IQCM: variants seen among roughly 807,000 people sequenced by gnomAD.
IQCM encodes the protein IQ domain-containing protein M.
IQCM carries 45 observed loss-of-function variants against 57.6 expected under a neutral mutation model. The observed-to-expected ratio is 0.78, with a 90% CI of 0.62 to 1.00. The LOEUF (loss-of-function observed/expected upper bound fraction) is 1.00. IQCM is among the 50% of genes least tolerant of loss of function. The pLI, the probability that IQCM is intolerant of heterozygous loss-of-function variation, is 0.00. For synonymous variants in IQCM, 148 were observed against 158.9 expected, an observed-to-expected ratio of 0.93 and a Z score of 0.51; for missense variants, 468 against 511.6, an observed-to-expected ratio of 0.91 and a Z score of 0.82.
At chr4:149,709,924 T>G (rs188927575) in intron 5 of IQCM, among the ~76,000 whole-genome samples, 1 of 152,244 alleles carries the variant, frequency 6.6e-6, no homozygotes, top group East Asian at 1.9e-4. Flanking sequence ...TAAAATTCAC[T>G]ACAGTTTCAA....
At chr4:149,488,231 A>G (rs959366844) in intron 12 of IQCM, among the ~76,000 whole-genome samples, 23 of 152,164 alleles carry the variant, frequency 1.5e-4, no homozygotes, top group Non-Finnish European at 1.6e-4. Flanking sequence ...TTTATCTATT[A>G]CAAACAAAAA....
At chr4:149,725,781 T>C (rs1019372558) in intron 5 of IQCM, among the ~76,000 whole-genome samples, 2 of 152,112 alleles carry the variant, frequency 1.3e-5, no homozygotes, top group African/African-American at 4.8e-5. Context: ...TCAATCTCCA[T>C]AGACCTGCCA....
At chr4:149,551,209 A>C (rs947584455) in intron 11 of IQCM, among the ~76,000 whole-genome samples, 3 of 152,020 alleles carry the variant, frequency 2.0e-5, no homozygotes, top group African/African-American at 4.8e-5. Flanking sequence ...GCCGCCTCCA[A>C]ATTAAGGCCT....
chr4:149,790,393 C>CT, intron 2 of IQCM: 2 of 177,638 alleles, frequency 1.1e-5, no homozygotes, highest in Non-Finnish European at 2.7e-5. Context: ...GCCAATACCC[C>CT]TTCTGTGAAT....
chr4:149,482,706 A>G (rs1741040396), intron 12 of IQCM, among the ~76,000 whole-genome samples: 1 of 151,608 alleles, frequency 6.6e-6, no homozygotes, highest in Non-Finnish European at 1.5e-5. Flanking sequence ...TTTTTGCATC[A>G]ATATTCATCA....
chr4:149,651,902 G>A (rs180789701), intron 7 of IQCM, among the ~76,000 whole-genome samples: 99 of 152,160 alleles, frequency 6.5e-4, no homozygotes, highest in Non-Finnish European at 9.9e-4. Flanking sequence ...GCGATTTCTC[G>A]AGGATTTAGA....
At chr4:149,806,163 A>T (rs1774061165) in intron 2 of IQCM, among the ~76,000 whole-genome samples, 1 of 151,702 alleles carries the variant, frequency 6.6e-6, no homozygotes, top group Non-Finnish European at 1.5e-5. Context: ...TTTTGTAAAA[A>T]GCTGTTAATT....
chr4:149,664,146 C>A (rs553935162), intron 7 of IQCM, among the ~76,000 whole-genome samples: 3 of 151,994 alleles, frequency 2.0e-5, no homozygotes, highest in East Asian at 1.9e-4. Context: ...CTGTGTGGTT[C>A]TTTTCCATAA....
intron 12 of IQCM, among the ~76,000 whole-genome samples, chr4:149,465,751 T>C (rs189815533): frequency 6.6e-6 from 1 of 152,088 alleles, no homozygotes; most frequent in Non-Finnish European, 1.5e-5. Flanking sequence ...GTTTTTTTTT[T>C]GTTTCTAGTT....
At chr4:149,653,571 C>G (rs1759383283) in intron 7 of IQCM, among the ~76,000 whole-genome samples, 1 of 151,966 alleles carries the variant, frequency 6.6e-6, no homozygotes, top group Non-Finnish European at 1.5e-5. Context: ...AAGAACAGAT[C>G]ATGCCCCTAT....
At chr4:149,536,594 T>C (rs1747319085) in intron 12 of IQCM, among the ~76,000 whole-genome samples, 2 of 152,058 alleles carry the variant, frequency 1.3e-5, no homozygotes, top group South Asian at 2.1e-4. Context: ...TTTGTAACAT[T>C]GTATGCATGT....
At chr4:149,440,072 T>A (rs1441866274) in intron 12 of IQCM, among the ~76,000 whole-genome samples, 3 of 147,574 alleles carry the variant, frequency 2.0e-5, no homozygotes, top group Non-Finnish European at 4.5e-5. Context: ...TTCTCCTGCA[T>A]CAGCCTCCCG....
At chr4:149,689,006 A>G (rs993978195) in intron 5 of IQCM, among the ~76,000 whole-genome samples, 3 of 152,128 alleles carry the variant, frequency 2.0e-5, no homozygotes, top group African/African-American at 7.2e-5. Flanking sequence ...ATTCTAGAAG[A>G]TAACAGTGGA....
At chr4:149,718,357 T>G (rs1236509031) in intron 5 of IQCM, among the ~76,000 whole-genome samples, 2 of 152,150 alleles carry the variant, frequency 1.3e-5, no homozygotes, top group Admixed American at 1.3e-4. Flanking sequence ...AAGTAATGTC[T>G]GCTAAACTGA....
At chr4:149,483,754 A>T (rs1741163133) in intron 12 of IQCM, among the ~76,000 whole-genome samples, 1 of 151,934 alleles carries the variant, frequency 6.6e-6, no homozygotes, top group African/African-American at 2.4e-5. Flanking sequence ...TAGCCATTGG[A>T]TGAAATGTTC....
intron 8 of IQCM, among the ~76,000 whole-genome samples, chr4:149,604,306 T>C (rs1321962665): frequency 2.0e-5 from 3 of 152,040 alleles, no homozygotes; most frequent in African/African-American, 7.2e-5. Flanking sequence ...AAGGATTATA[T>C]ATCTACACAA....
chr4:149,753,584 G>T (rs957351146), intron 2 of IQCM, among the ~76,000 whole-genome samples: 2 of 151,846 alleles, frequency 1.3e-5, no homozygotes, highest in Non-Finnish European at 2.9e-5. Context: ...TATAAAGGAG[G>T]GTGTGGGGAG....
chr4:149,487,013 C>T (rs754110881), intron 12 of IQCM, among the ~76,000 whole-genome samples: 1 of 151,704 alleles, frequency 6.6e-6, no homozygotes, highest in Non-Finnish European at 1.5e-5. Flanking sequence ...GAGTCTTTCA[C>T]CATAGACACC....
intron 10 of IQCM, among the ~76,000 whole-genome samples, chr4:149,558,344 T>A (rs1749782828): frequency 6.6e-6 from 1 of 152,180 alleles, no homozygotes; most frequent in Non-Finnish European, 1.5e-5. Context: ...GTTTCTCAAA[T>A]TTCAAATCCC....
Sources: gnomAD v4.1 joint callset for allele counts (sites outside exome capture counted in the v4.1 genomes callset) on GRCh38, gnomAD v4.1.1 for gene constraint, MANE v1.5 for transcripts, NCBI Gene and HGNC (gene_info 2026-07-23, HGNC 2026-07-21) for gene names.